The following KCND2 variants were observed in gnomAD, a reference collection of about 807,000 sequenced individuals.
KCND2 encodes the protein A-type voltage-gated potassium channel KCND2.
Under a neutral mutation model 54.4 loss-of-function variants are expected in KCND2, and 16 were observed. The ratio of observed to expected loss-of-function variants is 0.29; its 90% CI spans 0.20 to 0.45. The LOEUF (loss-of-function observed/expected upper bound fraction) is 0.45, where lower values mean the gene tolerates loss of function less well. Ranked by LOEUF, KCND2 falls within the 20% of genes least tolerant of loss-of-function variation. KCND2 has a pLI of 1.00. For synonymous variants in KCND2, 317 were observed against 310.7 expected, an observed-to-expected ratio of 1.02 and a Z score of -0.21; for missense variants, 486 against 824.2, an observed-to-expected ratio of 0.59 and a Z score of 5.02.
intron 1 of KCND2, among the ~76,000 whole-genome samples, chr7:120,369,664 C>T (rs1277428590): frequency 6.6e-6 from 1 of 151,986 alleles, no homozygotes; most frequent in Non-Finnish European, 1.5e-5. Context: ...TTTTAATAGG[C>T]ACTGTTTCTT....
chr7:120,681,336 G>T (rs1348766792), intron 1 of KCND2, among the ~76,000 whole-genome samples: 1 of 152,094 alleles, frequency 6.6e-6, no homozygotes, highest in East Asian at 1.9e-4. Context: ...CCTTCCAGCT[G>T]CAATGCTTAC....
intron 1 of KCND2, among the ~76,000 whole-genome samples, chr7:120,356,090 A>G (rs1800499564): frequency 1.3e-5 from 2 of 152,124 alleles, no homozygotes; most frequent in Non-Finnish European, 2.9e-5. Flanking sequence ...AGTTATTAGA[A>G]AGGACAAACC....
At chr7:120,578,699 A>G (rs1388365839) in intron 1 of KCND2, among the ~76,000 whole-genome samples, 2 of 152,122 alleles carry the variant, frequency 1.3e-5, no homozygotes, top group Non-Finnish European at 2.9e-5. Flanking sequence ...CCCCATCTCT[A>G]ATAAAGATAC....
chr7:120,483,753 A>T (rs1802640013), intron 1 of KCND2, among the ~76,000 whole-genome samples: 1 of 152,224 alleles, frequency 6.6e-6, no homozygotes, highest in Non-Finnish European at 1.5e-5. Context: ...TGCTAAGCTT[A>T]AAGAAAGCAA....
intron 1 of KCND2, among the ~76,000 whole-genome samples, chr7:120,280,816 T>C (rs1799248653): frequency 6.6e-6 from 1 of 152,126 alleles, no homozygotes; most frequent in Non-Finnish European, 1.5e-5. Flanking sequence ...TGTGTTATAA[T>C]AATTATCGGG....
At chr7:120,642,292 G>A (rs1793386161) in intron 1 of KCND2, among the ~76,000 whole-genome samples, 1 of 151,564 alleles carries the variant, frequency 6.6e-6, no homozygotes, top group Middle Eastern at 3.4e-3. Flanking sequence ...GCTCACGCCT[G>A]TAATTCCAGC....
intron 1 of KCND2, among the ~76,000 whole-genome samples, chr7:120,688,848 T>C (rs1792235387): frequency 2.0e-5 from 3 of 152,156 alleles, no homozygotes; most frequent in South Asian, 4.1e-4. Flanking sequence ...TATTTCCCAG[T>C]GTTAAGAGTA....
intron 1 of KCND2, among the ~76,000 whole-genome samples, chr7:120,301,594 A>G (rs1045807088): frequency 7.9e-5 from 12 of 152,122 alleles, no homozygotes; most frequent in Non-Finnish European, 1.2e-4. Flanking sequence ...GAATATTGCC[A>G]CATTGTTGGG....
At chr7:120,430,228 C>T (rs965124062) in intron 1 of KCND2, among the ~76,000 whole-genome samples, 4 of 152,280 alleles carry the variant, frequency 2.6e-5, no homozygotes, top group South Asian at 4.1e-4. Context: ...AGGACTTCTC[C>T]CTGTGTCCTC....
intron 1 of KCND2, among the ~76,000 whole-genome samples, chr7:120,369,640 T>A (rs1800738758): frequency 6.6e-6 from 1 of 152,084 alleles, no homozygotes; most frequent in Non-Finnish European, 1.5e-5. Flanking sequence ...ATTTACATTT[T>A]GGCACTTTAT....
At chr7:120,390,943 T>G (rs1801066008) in intron 1 of KCND2, among the ~76,000 whole-genome samples, 1 of 152,082 alleles carries the variant, frequency 6.6e-6, no homozygotes, top group South Asian at 2.1e-4. Context: ...ATACATGTGC[T>G]GAATGGGGCA....
At chr7:120,590,689 T>C (rs969826349) in intron 1 of KCND2, among the ~76,000 whole-genome samples, 36 of 152,200 alleles carry the variant, frequency 2.4e-4, no homozygotes, top group African/African-American at 8.4e-4. Context: ...TTGTGAGGCA[T>C]TCTGAGTATT....
chr7:120,505,482 T>TA (rs1275981388), intron 1 of KCND2, among the ~76,000 whole-genome samples: 1 of 151,820 alleles, frequency 6.6e-6, no homozygotes, highest in East Asian at 1.9e-4. Flanking sequence ...TATAAGGAAA[T>TA]ATAGAGAAAC....
At chr7:120,536,909 T>A in intron 1 of KCND2, among the ~76,000 whole-genome samples, 1 of 152,322 alleles carries the variant, frequency 6.6e-6, no homozygotes, top group Non-Finnish European at 1.5e-5. Flanking sequence ...TTTAATTTTT[T>A]TAAATTTTTA....
intron 1 of KCND2, among the ~76,000 whole-genome samples, chr7:120,538,719 G>A (rs190880847): frequency 2.2e-4 from 34 of 152,222 alleles, no homozygotes; most frequent in African/African-American, 7.2e-4. Context: ...GCTCTACACA[G>A]ACTAACCTCG....
chr7:120,745,538 C>G (rs1369624088), intron 4 of KCND2, among the ~76,000 whole-genome samples: 1 of 151,292 alleles, frequency 6.6e-6, no homozygotes, highest in African/African-American at 2.4e-5. Flanking sequence ...TAAAGTTAGT[C>G]TATAAAGGGA....
chr7:120,356,633 G>T (rs1800510448), intron 1 of KCND2, among the ~76,000 whole-genome samples: 1 of 152,088 alleles, frequency 6.6e-6, no homozygotes, highest in African/African-American at 2.4e-5. Flanking sequence ...CATAATATTA[G>T]ATAAGTCAAG....
intron 1 of KCND2, among the ~76,000 whole-genome samples, chr7:120,659,653 A>G (rs1791842598): frequency 6.6e-6 from 1 of 152,190 alleles, no homozygotes; most frequent in South Asian, 2.1e-4. Flanking sequence ...TCTTATGACA[A>G]TCCAATGAGA....
intron 1 of KCND2, among the ~76,000 whole-genome samples, chr7:120,647,842 G>A (rs957598247): frequency 6.6e-6 from 1 of 152,122 alleles, no homozygotes; most frequent in Non-Finnish European, 1.5e-5. Context: ...AATACATTTA[G>A]CAGTAACGTT....
Sources: gnomAD v4.1 joint callset for allele counts (sites outside exome capture counted in the v4.1 genomes callset) on GRCh38, gnomAD v4.1.1 for gene constraint, MANE v1.5 for transcripts, NCBI Gene and HGNC (gene_info 2026-07-23, HGNC 2026-07-21) for gene names.